The following IL27RA variants were observed in gnomAD, a reference collection of about 807,000 sequenced individuals.
The protein encoded by IL27RA is interleukin-27 receptor subunit alpha.
In IL27RA, 61 loss-of-function variants were observed where a neutral mutation model predicts 80.8. The observed-to-expected ratio is 0.76, with a 90% CI of 0.61 to 0.93. The LOEUF (loss-of-function observed/expected upper bound fraction) is 0.93, where lower values mean the gene tolerates loss of function less well. IL27RA is among the 40% of genes least tolerant of loss of function. IL27RA has a pLI of 0.00. For synonymous variants in IL27RA, 316 were observed against 332.5 expected (o/e 0.95, Z 0.54); for missense variants, 735 against 808.1 (o/e 0.91, Z 1.10).
Position 14,039,747 on chromosome 19 carries a change from C to A in IL27RA, c.377-6C>A. 1 of 1,612,942 alleles carries A rather than the reference C, an allele frequency of 6.2e-7. No homozygotes were observed. Among genetic ancestry groups the A allele is most frequent in the Non-Finnish European group, 8.5e-7 (1 of 1,179,344 alleles). On this transcript the variant is annotated splice_region_variant and splice_polypyrimidine_tract_variant and intron_variant, in intron 3 of 13. Coordinates refer to ENST00000263379, the MANE Select transcript of IL27RA (RefSeq NM_004843.4). ...GCTCACTACACCCTAGTTTCCCCTTCCCCAGTGAAGCCAAACGCCCCCCGG... is the reference window on the plus strand; with the variant it reads ...GCTCACTACACCCTAGTTTCCCCTTACCCAGTGAAGCCAAACGCCCCCCGG...
Position 14,046,133 on chromosome 19 carries a change from CT to C in IL27RA, c.769-16del, listed in dbSNP as rs1421735690. The C allele has an allele frequency of 6.2e-7, 1 of 1,607,542 alleles. No homozygotes were observed. The highest frequency in any genetic ancestry group is 1.3e-5 in the African/African-American group (1 of 74,880). ...CGTGATTAATGGGAGACATTAACCC[CT>C]TTTTCCCTTCATCTCTCAGGCCCCA... On this transcript the variant is annotated intron_variant, in intron 6 of 13. Coordinates refer to ENST00000263379, the MANE Select transcript of IL27RA (RefSeq NM_004843.4).
At chr19:14,041,895 G>A (rs1479889587) in intron 4 of IL27RA, among the ~76,000 whole-genome samples, 5 of 151,850 alleles carry the variant, frequency 3.3e-5, no homozygotes, top group Non-Finnish European at 7.4e-5. Context: ...GTGAAACCCC[G>A]TCTCTACTAA....
Position 14,051,712 on chromosome 19 carries a change from G to C in IL27RA, c.1622+12G>C, listed in dbSNP as rs764147500. ...GCCACCTCTGGAAGGTGAGGCTGTC[G>C]GATACATGCATCTCTACCCACGTGG... is the stretch of plus-strand genomic sequence containing the variant. On this transcript the variant is annotated intron_variant, in intron 12 of 13. Coordinates refer to ENST00000263379, the MANE Select transcript of IL27RA (RefSeq NM_004843.4). 1 of 1,581,940 alleles carries C rather than the reference G, an allele frequency of 6.3e-7. No individual in the cohort carries two copies. The highest frequency in any genetic ancestry group is 1.8e-5 in the Admixed American group (1 of 56,556).
chr19:14,042,023 ACT>A (rs1179786977), intron 4 of IL27RA, among the ~76,000 whole-genome samples: 4 of 151,992 alleles, frequency 2.6e-5, no homozygotes, highest in African/African-American at 9.7e-5. Flanking sequence ...ACATGGTGAA[ACT>A]CTGTCTCTAC....
chr19:14,049,297 C>G lies in IL27RA; in HGVS notation c.1385C>G (p.Pro462Arg), dbSNP rs780144321. 1.9e-6 allele frequency: 3 copies of G among 1,613,602 alleles called. No homozygotes were observed. The highest frequency in any genetic ancestry group is 2.5e-6 in the Non-Finnish European group (3 of 1,179,866). The change falls in exon 10 of 14, where the codon CCC becomes CGC. Residue 462 changes from proline to arginine, a missense_variant. Coordinates refer to ENST00000263379, the MANE Select transcript of IL27RA (RefSeq NM_004843.4). ...YTLCAQSGTS[P>R]SVCMNVSGNT... is the part of the protein sequence containing the mutation. ...TTGTGTGCACAGAGTGGAACCAGCC[C>G]CTCCGTCTGCATGAATGGTGAGCTT...
Position 14,042,433 on chromosome 19 carries a change from C to G in IL27RA, c.535-20C>G, listed in dbSNP as rs767368585. The stretch of plus-strand genomic sequence containing the variant: ...TGACTCAGGCCCTGGGCCCATCACG[C>G]TCGCCTGTCTCTCCCCCAGCTGGAA... On this transcript the variant is annotated intron_variant, in intron 4 of 13. Transcript: ENST00000263379. 1.2e-6 allele frequency: 2 copies of G among 1,611,384 alleles called. No homozygotes were observed. Among genetic ancestry groups the G allele is most frequent in the Non-Finnish European group, 8.5e-7 (1 of 1,178,258 alleles).
chr19:14,050,710 T>C (rs1976148022), intron 10 of IL27RA, 48 bp from the exon 11 acceptor site: 3 of 1,579,040 alleles, frequency 1.9e-6, no homozygotes, highest in Non-Finnish European at 2.6e-6. Context: ...GCAAAGGCCC[T>C]GTGGTAGGCT....
chr19:14,046,406 C>T (rs759828799), intron 7 of IL27RA, 24 bp from the exon 8 acceptor site: 6 of 1,614,040 alleles, frequency 3.7e-6, no homozygotes, highest in Non-Finnish European at 5.1e-6. Flanking sequence ...GAGTGGGCAG[C>T]TGAGACTTCT....
In IL27RA at chr19:14,046,525, G is replaced by T; in HGVS notation, c.1048G>T (p.Glu350Ter). The change falls in exon 8 of 14, where the codon GAG becomes TAG. Residue 350 changes from glutamate (E) to a stop codon, truncating the protein, a stop_gained. Coordinates refer to ENST00000263379, the MANE Select transcript of IL27RA (RefSeq NM_004843.4). LOFTEE classifies it high-confidence loss of function. ...GCAACCGGGGCCTGGGGAACCACTG[G>T]AGCATGTAGTGGACTGGGCTCGAGA... The part of the protein sequence containing the change: ...TWQPGPGEPL[E>*]HVVDWARDGD... 6.2e-7 allele frequency: 1 copy of T among 1,614,122 alleles called. No individual in the cohort carries two copies. Among genetic ancestry groups the T allele is most frequent in the Non-Finnish European group, 8.5e-7 (1 of 1,180,012 alleles).
intron 2 of IL27RA, among the ~76,000 whole-genome samples, chr19:14,033,555 C>T (rs1282515749): frequency 1.3e-5 from 2 of 151,558 alleles, no homozygotes; most frequent in Non-Finnish European, 1.5e-5. Flanking sequence ...ATTCCAGCTA[C>T]TCGGGAGGCT....
intron 8 of IL27RA, among the ~76,000 whole-genome samples, chr19:14,048,032 A>G (rs2145695382): frequency 6.7e-6 from 1 of 149,552 alleles, no homozygotes; most frequent in African/African-American, 2.5e-5. Flanking sequence ...ATCTCAGCTC[A>G]CTGCAGCGTC....
rs1975954509 is a variant in IL27RA, at chr19:14,039,488, C to T, written c.219-20C>T. 6.2e-7 allele frequency: 1 copy of T among 1,601,348 alleles called. No individual in the cohort carries two copies. Among genetic ancestry groups the T allele is most frequent in the Non-Finnish European group, 8.5e-7 (1 of 1,172,264 alleles). On this transcript the variant is annotated intron_variant, in intron 2 of 13. Coordinates refer to ENST00000263379, the MANE Select transcript of IL27RA (RefSeq NM_004843.4). Reference sequence around the variant, plus strand: ...GGCTCTAGCCGAGTGTGCATCTCATCCCCGCCTCTCTCCTCACAGCCGTTC... The same window carrying T: ...GGCTCTAGCCGAGTGTGCATCTCATTCCCGCCTCTCTCCTCACAGCCGTTC...
chr19:14,049,097 G>T lies in IL27RA; in HGVS notation c.1243+15G>T. 6 of 1,612,688 alleles carry T rather than the reference G, an allele frequency of 3.7e-6. No homozygotes were observed. The highest frequency in any genetic ancestry group is 5.1e-6 in the Non-Finnish European group (6 of 1,179,242). ...GGAGGAATTAGGTAAGAGTGGGGCT[G>T]GAGGATGGGGGGGCTTCTGTAACCC... On this transcript the variant is annotated intron_variant, in intron 9 of 13. Transcript: ENST00000263379.
chr19:14,039,694 T>A, intron 3 of IL27RA, 29 bp downstream of exon 3: 1 of 1,596,126 alleles, frequency 6.3e-7, no homozygotes, highest in Non-Finnish European at 8.5e-7. Context: ...GGGCGCTCTA[T>A]GCGGGGTGGG....
In IL27RA at chr19:14,049,335, A is replaced by T. The variant is rs369418584; in HGVS notation, c.1402+21A>T. 2.4e-5 allele frequency: 39 copies of T among 1,604,322 alleles called. 1 individual carries two copies. The African/African-American group carries it at 4.7e-4, about 19-fold the overall frequency. On this transcript the variant is annotated intron_variant, in intron 10 of 13. Coordinates refer to ENST00000263379, the MANE Select transcript of IL27RA (RefSeq NM_004843.4). ...GAATGGTGAGCTTCCCTGCCTGCTG[A>T]CCTGTCCTCCCAGCCCCCACAAGAC...
rs757235934 is a variant in IL27RA, at chr19:14,046,503, A to T, written c.1026A>T (p.Gln342His). ...GCACGGAGCTACTGGTGACCTGGCA[A>T]CCGGGGCCTGGGGAACCACTGGAGC... is the stretch of plus-strand genomic sequence containing the variant. The part of the protein sequence containing the change: ...AGSTELLVTW[Q>H]PGPGEPLEHV... Residue 342 changes from glutamine to histidine, a missense_variant, in exon 8 of 14, where the codon CAA becomes CAT. By Grantham distance (24) the Gln-to-His change is conservative (BLOSUM62 0). Coordinates refer to ENST00000263379, the MANE Select transcript of IL27RA (RefSeq NM_004843.4). The T allele has an allele frequency of 5.6e-6, 9 of 1,614,086 alleles. No homozygotes were observed. The Admixed American group carries it at 1.5e-4, about 27-fold the overall frequency.
chr19:14,051,929 G>C lies in IL27RA; in HGVS notation c.1672G>C (p.Val558Leu). 2 of 1,589,690 alleles carry C rather than the reference G, an allele frequency of 1.3e-6. No individual in the cohort carries two copies. Among genetic ancestry groups the C allele is most frequent in the Non-Finnish European group, 1.7e-6 (2 of 1,167,164 alleles). ...GCTGCCCCGCTGGGTCTGGGAGAAAGTTCCTGATCCTGCCAACAGCAGTTC... is the reference window on the plus strand; with the variant it reads ...GCTGCCCCGCTGGGTCTGGGAGAAACTTCCTGATCCTGCCAACAGCAGTTC... ...KVLPRWVWEK[V>L]PDPANSSSGQ... Residue 558 changes from valine (V) to leucine (L), a missense_variant, in exon 13 of 14, where the codon GTT becomes CTT. Val to Leu is a conservative substitution (Grantham distance 32). Transcript: ENST00000263379.
At chr19:14,042,367 G>A (rs542190435) in intron 4 of IL27RA, 86 bp from the exon 5 acceptor site, 27 of 1,449,120 alleles carry the variant, frequency 1.9e-5, no homozygotes, top group South Asian at 6.5e-5. Flanking sequence ...GTCTCAAAAC[G>A]AAAAACAAAG....
chr19:14,051,827 C>G (rs1031403301), intron 12 of IL27RA, 53 bp from the exon 13 acceptor site: 2 of 1,470,144 alleles, frequency 1.4e-6, no homozygotes, highest in African/African-American at 2.8e-5. Flanking sequence ...GCACCCTGGG[C>G]TGGGGCATCT....
Sources: gnomAD v4.1 joint callset for allele counts (sites outside exome capture counted in the v4.1 genomes callset) on GRCh38, gnomAD v4.1.1 for gene constraint, MANE v1.5 for transcripts, NCBI Gene and HGNC (gene_info 2026-07-23, HGNC 2026-07-21) for gene names.